The following GRM4 variants were observed in gnomAD, a reference collection of about 807,000 sequenced individuals.
The protein encoded by GRM4 is glutamate metabotropic receptor 4, also known as metabotropic glutamate receptor 4.
Under a neutral mutation model 81.7 loss-of-function variants are expected in GRM4, and 28 were observed. That is an observed-to-expected ratio of 0.34 (90% CI 0.25 to 0.47). GRM4 has a LOEUF of 0.47. Among genes scored for constraint, GRM4 ranks in the 20% least tolerant of loss-of-function variants. GRM4 has a pLI of 1.00. For missense variants in GRM4, 948 were observed against 1,290.0 expected (o/e 0.73, Z 4.06); for synonymous variants, 488 against 528.8 (o/e 0.92, Z 1.06).
chr6:34,122,459 C>A (rs573032927), intron 2 of GRM4, among the ~76,000 whole-genome samples: 1 of 152,164 alleles, frequency 6.6e-6, no homozygotes, highest in African/African-American at 2.4e-5. Flanking sequence ...CTCACTGCCC[C>A]CAGCCCAGGC....
intron 2 of GRM4, among the ~76,000 whole-genome samples, chr6:34,117,082 G>C (rs978671287): frequency 1.3e-5 from 2 of 152,174 alleles, no homozygotes; most frequent in African/African-American, 4.8e-5. Context: ...TCGGATACCG[G>C]CAAATGCATT....
At chr6:34,139,862 C>T (rs575628500) in intron 1 of GRM4, among the ~76,000 whole-genome samples, 3 of 152,312 alleles carry the variant, frequency 2.0e-5, no homozygotes, top group Admixed American at 1.3e-4. Flanking sequence ...TTCAGTCCCT[C>T]GGTGTGACAT....
In GRM4 at chr6:34,069,647, A is replaced by AGTGTGTGTGTGTGTGTGT. The variant is rs3222082; in HGVS notation, c.737-7637_737-7620dup. On this transcript the variant is annotated intron_variant, in intron 3 of 10. Transcript: ENST00000538487. The surrounding 1 kb of genome is among the most constrained non-coding windows in gnomAD (Gnocchi z 6.4). ...GGCTTTACAACCCTTGGCAGCCCCC[A>AGTGTGTGTGTGTGTGTGT]GTGTGTGTGTGTGTGTGTGTGTGTG... Among the ~76,000 whole-genome samples the AGTGTGTGTGTGTGTGTGT allele has an allele frequency of 2.3e-4, 33 of 144,404 alleles. No homozygotes were observed. The highest frequency in any genetic ancestry group is 7.4e-4 in the African/African-American group (30 of 40,364). 94.7% of individuals were successfully genotyped at this position (144,404 alleles called of 152,430 possible). A position where few individuals can be genotyped will look rare whatever the true frequency, so the allele number is the denominator to read the frequency against.
At chr6:34,128,161 G>A (rs1770092589) in intron 2 of GRM4, among the ~76,000 whole-genome samples, 2 of 152,168 alleles carry the variant, frequency 1.3e-5, no homozygotes, top group Non-Finnish European at 2.9e-5. Flanking sequence ...GCAGGAAGAC[G>A]CAAGAGGCCC....
intron 2 of GRM4, among the ~76,000 whole-genome samples, chr6:34,124,086 G>C (rs114881402): frequency 0.016 from 2,482 of 152,270 alleles, 33 homozygotes; most frequent in Middle Eastern, 0.058. Flanking sequence ...AGGAAACAGG[G>C]GTCCCAAGAG....
At chr6:34,125,565 G>C (rs1023462829) in intron 2 of GRM4, among the ~76,000 whole-genome samples, 4 of 152,246 alleles carry the variant, frequency 2.6e-5, no homozygotes, top group Non-Finnish European at 5.9e-5. Context: ...CTAGGCTTGA[G>C]AGCAACTAGA....
intron 1 of GRM4, among the ~76,000 whole-genome samples, chr6:34,151,151 G>A (rs566201741): frequency 6.6e-6 from 1 of 152,224 alleles, no homozygotes; most frequent in Non-Finnish European, 1.5e-5. Context: ...ATTTAGAAGA[G>A]CCGAGAGACC....
chr6:34,094,302 A>G (rs1450906856), intron 2 of GRM4, among the ~76,000 whole-genome samples: 7 of 152,304 alleles, frequency 4.6e-5, no homozygotes, highest in East Asian at 3.9e-4. Context: ...TAGGTTTCCA[A>G]TGTAGAACCA....
rs1766683077 is a variant in GRM4 at position 34,069,559 on chromosome 6, A to G, written c.737-7531T>C. Among the ~76,000 whole-genome samples, 1 of 151,450 alleles carries G rather than the reference A, an allele frequency of 6.6e-6. No homozygotes were observed. The highest frequency in any genetic ancestry group is 1.5e-5 in the Non-Finnish European group (1 of 67,888). ...TCCCGTCACCTGTCACCCCTGCCCC[A>G]TCTGCTCCTGCGTGTGACCCCGCTC... On this transcript the variant is annotated intron_variant, in intron 3 of 10. Transcript: ENST00000538487. This position sits in a 1 kb window ranked among gnomAD's most constrained non-coding sequence, Gnocchi z 6.4.
At position 34,048,465 on chromosome 6, in the gene GRM4, G is replaced by T. The variant is rs1055545636; in HGVS notation, c.1169-7717C>A. On this transcript the variant is annotated intron_variant, in intron 6 of 10. Transcript: ENST00000538487. This position sits in a 1 kb window ranked among gnomAD's most constrained non-coding sequence, Gnocchi z 4.0. ...CACACAGGAGGGGCTGGGGCTGGGG[G>T]TGGGGGAACTCTGGGGACTGACTCT... is the stretch of plus-strand genomic sequence containing the variant. 6.6e-6 allele frequency among the ~76,000 whole-genome samples: 1 copy of T among 151,936 alleles called. No individual in the cohort carries two copies. Among genetic ancestry groups the T allele is most frequent in the Admixed American group, 6.6e-5 (1 of 15,264 alleles).
Position 34,152,441 on chromosome 6 carries a change from C to T in GRM4, c.312+2638G>A, listed in dbSNP as rs770760672. 6.6e-6 allele frequency among the ~76,000 whole-genome samples: 1 copy of T among 152,236 alleles called. No homozygotes were observed. Among genetic ancestry groups the T allele is most frequent in the African/African-American group, 2.4e-5 (1 of 41,462 alleles). On this transcript the variant is annotated intron_variant, in intron 1 of 8. Coordinates refer to the GRM4 transcript ENST00000374177. This position sits in a 1 kb window ranked among gnomAD's most constrained non-coding sequence, Gnocchi z 4.1. ...GCTGCACTGCCCCCAACTCTGTCCTCCTCATTCCTGGGGAAACATGAGCTA... is the reference window on the plus strand; with the variant it reads ...GCTGCACTGCCCCCAACTCTGTCCTTCTCATTCCTGGGGAAACATGAGCTA...
Position 34,036,211 on chromosome 6 carries a change from G to A in GRM4, c.1899C>T (p.Ile633=), listed in dbSNP as rs1764700738. The change falls in exon 9 of 11, where the codon ATC becomes ATT. Residue 633 remains isoleucine, a synonymous_variant. Coordinates refer to ENST00000538487, the MANE Select transcript of GRM4 (RefSeq NM_000841.4). The surrounding 1 kb of genome is among the most constrained non-coding windows in gnomAD (Gnocchi z 9.0). ...GGAAGGTGGTGGCATAGCACAGGAA[G>A]ATGCCTGCCAGCAGCACGTAGCTCA... The part of the protein sequence containing the change: ...RELSYVLLAG[I]FLCYATTFLM... The A allele has an allele frequency of 1.9e-6, 3 of 1,614,194 alleles. No individual in the cohort carries two copies. The highest frequency in any genetic ancestry group is 2.5e-6 in the Non-Finnish European group (3 of 1,180,014).
chr6:34,124,899 A>G (rs1769963187), intron 2 of GRM4, among the ~76,000 whole-genome samples: 1 of 151,862 alleles, frequency 6.6e-6, no homozygotes. Flanking sequence ...TCACATCCAG[A>G]GGCCCCATCA....
At chr6:34,142,983 C>T (rs1770755941) in intron 1 of GRM4, among the ~76,000 whole-genome samples, 1 of 152,176 alleles carries the variant, frequency 6.6e-6, no homozygotes, top group Admixed American at 6.5e-5. Flanking sequence ...CCTGAAAATG[C>T]CTAAGAATCC....
Position 34,145,484 on chromosome 6 carries a change from C to G in GRM4, c.-364+516G>C, listed in dbSNP as rs528695511. Among the ~76,000 whole-genome samples, 7 of 152,298 alleles carry G rather than the reference C, an allele frequency of 4.6e-5. No homozygotes were observed. In the South Asian group the frequency reaches 1.4e-3, roughly 32 times the overall value. On this transcript the variant is annotated intron_variant, in intron 1 of 10. Transcript: ENST00000538487. ...GGCTGGGAAGGGAGCGGAGCGGGAG[C>G]GACCAGCGAGCGCAGCCGGCCGAGG...
At chr6:34,147,903 AATG>A (rs1770971355), upstream of GRM4, among the ~76,000 whole-genome samples, 3 of 44,968 alleles carry the variant, frequency 6.7e-5, no homozygotes, top group Non-Finnish European at 8.7e-5. Flanking sequence ...ACTTTTGTTG[AATG>A]AATGAATGAA....
At position 34,035,781 on chromosome 6, in the gene GRM4, C is replaced by T. The variant is rs746693453; in HGVS notation, c.2329G>A (p.Val777Met). 5.0e-6 allele frequency: 8 copies of T among 1,613,642 alleles called. No individual in the cohort carries two copies. The highest frequency in any genetic ancestry group is 2.2e-5 in the East Asian group (1 of 44,866). The stretch of plus-strand genomic sequence containing the variant: ...TTGGCCTCATTGAAGGTCTCGGGCA[C>T]GCCGCGTGTCTTGATGGCATACACG... ...CTVYAIKTRG[V>M]PETFNEAKPI... Residue 777 changes from valine (V) to methionine (M), a missense_variant, in exon 9 of 11, where the codon GTG (valine) becomes ATG (methionine). Physicochemically the swap from Val to Met is conservative, Grantham distance 21. Transcript: ENST00000538487. This position sits in a 1 kb window ranked among gnomAD's most constrained non-coding sequence, Gnocchi z 6.6.
intron 2 of GRM4, among the ~76,000 whole-genome samples, chr6:34,102,755 T>C (rs1263025876): frequency 2.6e-5 from 4 of 152,212 alleles, no homozygotes; most frequent in Non-Finnish European, 4.4e-5. Flanking sequence ...CAGGCATTCA[T>C]TGAACAAAGG....
Position 34,074,563 on chromosome 6 carries a change from A to G in GRM4, c.737-12535T>C, listed in dbSNP as rs1767213685. ...AGGAGAGGAGGCTGCTGGGCGGCGC[A>G]GGCAGTGTGGCTCAGAGCTGAGCCC... On this transcript the variant is annotated intron_variant, in intron 3 of 10. Transcript: ENST00000538487. The surrounding 1 kb of genome is among the most constrained non-coding windows in gnomAD (Gnocchi z 4.9). 1.4e-5 allele frequency among the ~76,000 whole-genome samples: 2 copies of G among 141,310 alleles called. No individual in the cohort carries two copies. Among genetic ancestry groups the G allele is most frequent in the South Asian group, 4.4e-4 (2 of 4,544 alleles). The allele number at this position is 141,310 out of a possible 152,430, so 92.7% of individuals were successfully genotyped here. A position where few individuals can be genotyped will look rare whatever the true frequency, so the allele number is the denominator to read the frequency against.
Sources: allele counts gnomAD v4.1 joint callset (sites outside exome capture counted in the v4.1 genomes callset), GRCh38; gene constraint gnomAD v4.1.1; non-coding constraint Gnocchi (gnomAD v3.1); transcripts MANE v1.5; gene names NCBI Gene and HGNC (gene_info 2026-07-23, HGNC 2026-07-21).